Variants in SLIT2 observed in about 807,000 individuals in gnomAD.
SLIT2 encodes slit homolog 2 protein.
Under a neutral mutation model 185.7 loss-of-function variants are expected in SLIT2, and 41 were observed. The ratio of observed to expected loss-of-function variants is 0.22; its 90% CI spans 0.17 to 0.29. The LOEUF (loss-of-function observed/expected upper bound fraction) is 0.29. Among genes scored for constraint, SLIT2 ranks in the 10% least tolerant of loss-of-function variants. The pLI, the probability that SLIT2 is intolerant of heterozygous loss-of-function variation, is 1.00. For missense variants in SLIT2, 1,571 were observed against 1,909.0 expected (o/e 0.82, Z 3.30); for synonymous variants, 693 against 680.2 (o/e 1.02, Z -0.29).
intron 9 of SLIT2, among the ~76,000 whole-genome samples, chr4:20,508,635 A>G (rs1374284511): frequency 6.6e-6 from 1 of 152,134 alleles, no homozygotes; most frequent in Non-Finnish European, 1.5e-5. Context: ...TATAAAATAA[A>G]TATGCATAAA....
intron 4 of SLIT2, among the ~76,000 whole-genome samples, chr4:20,409,351 C>T (rs142897740): frequency 3.2e-4 from 49 of 152,266 alleles, no homozygotes; most frequent in African/African-American, 1.2e-3. Context: ...TGTTAGTTTG[C>T]TGAGGATAAT....
chr4:20,489,963 C>T (rs1285463419), intron 8 of SLIT2: 4 of 152,200 alleles, frequency 2.6e-5, no homozygotes, highest in African/African-American at 9.7e-5. Flanking sequence ...TGGTGGGCGC[C>T]TGTAGTCCCA....
At chr4:20,398,476 G>T (rs966300720) in intron 4 of SLIT2, among the ~76,000 whole-genome samples, 1 of 151,770 alleles carries the variant, frequency 6.6e-6, no homozygotes, top group Non-Finnish European at 1.5e-5. Context: ...ATCCGTGTTT[G>T]CAAATAGCAC....
intron 6 of SLIT2, among the ~76,000 whole-genome samples, chr4:20,485,416 A>G (rs1717120606): frequency 6.6e-6 from 1 of 152,128 alleles, no homozygotes; most frequent in Admixed American, 6.6e-5. Flanking sequence ...AATCAATAAT[A>G]ATAATAATAA....
At chr4:20,417,643 T>C (rs568412826) in intron 4 of SLIT2, among the ~76,000 whole-genome samples, 2 of 151,700 alleles carry the variant, frequency 1.3e-5, no homozygotes, top group Non-Finnish European at 2.9e-5. Flanking sequence ...TGCTTCAGCC[T>C]CCCGAGTAGC....
At chr4:20,490,688 A>G (rs1424755148) in intron 8 of SLIT2, 4 of 736,110 alleles carry the variant, frequency 5.4e-6, no homozygotes, top group Non-Finnish European at 8.9e-6. Flanking sequence ...GTATAATATC[A>G]TGGAATGTTC....
intron 18 of SLIT2, among the ~76,000 whole-genome samples, chr4:20,534,928 GACCTGCTGACCCATCCCAAGGGCTA>G (rs1722134147): frequency 6.6e-6 from 1 of 152,166 alleles, no homozygotes; most frequent in Admixed American, 6.5e-5. Flanking sequence ...ACCAGTCTGG[GACCTGCTGACCCATCCCAAGGGCTA>G]ACTTGGTGCC....
chr4:20,486,241 G>C lies in SLIT2; in HGVS notation c.581G>C (p.Ser194Thr). 2 of 1,604,314 alleles carry C rather than the reference G, an allele frequency of 1.2e-6. No homozygotes were observed. The highest frequency in any genetic ancestry group is 1.7e-6 in the Non-Finnish European group (2 of 1,171,398). Residue 194 changes from serine to threonine, a missense_variant, in exon 7 of 37, where the codon AGT (serine) becomes ACT (threonine). By Grantham distance (58) the Ser-to-Thr change is moderately conservative. Around this residue, in one of 3 missense-constraint regions of SLIT2, gnomAD observed 1,202 missense variants for 1,416.4 expected, o/e 0.85. Transcript: ENST00000504154. ...AACATTACTAGACTTTCTGTGGCAA[G>C]TTTCAACCATATGCCTAAACTTAGG... ...NNNITRLSVA[S>T]FNHMPKLRTF...
At chr4:20,366,789 T>C (rs746470921) in intron 4 of SLIT2, among the ~76,000 whole-genome samples, 3 of 151,994 alleles carry the variant, frequency 2.0e-5, no homozygotes, top group Non-Finnish European at 4.4e-5. Flanking sequence ...AGGGTTTTTT[T>C]AGTTTAGTTT....
At chr4:20,295,663 A>C (rs146055760) in intron 4 of SLIT2, among the ~76,000 whole-genome samples, 2,159 of 152,318 alleles carry the variant, frequency 0.014, 21 homozygotes, top group Non-Finnish European at 0.017. Context: ...GATAAAGTGA[A>C]ATAAAACAAA....
chr4:20,339,110 AAAG>A (rs1382644430), intron 4 of SLIT2, among the ~76,000 whole-genome samples: 104 of 151,188 alleles, frequency 6.9e-4, no homozygotes, highest in Middle Eastern at 3.4e-3. Context: ...AAAAAAAAAA[AAAG>A]AAAGACATTG....
chr4:20,515,833 T>G (rs553815812), intron 11 of SLIT2, among the ~76,000 whole-genome samples: 1 of 152,344 alleles, frequency 6.6e-6, no homozygotes, highest in Non-Finnish European at 1.5e-5. Flanking sequence ...CTTTCTTTTT[T>G]GAGACGGAGT....
chr4:20,511,461 G>A lies in SLIT2; in HGVS notation c.1058+324G>A, dbSNP rs539493269. ...TTTTGAGACGGAGTCTTGCTCTGTC[G>A]CCCAGACTGGAGTGCAGTGGCGCCA... On this transcript the variant is annotated intron_variant, in intron 11 of 36. Coordinates refer to ENST00000504154, the MANE Select transcript of SLIT2 (RefSeq NM_004787.4). 1.0e-4 allele frequency among the ~76,000 whole-genome samples: 13 copies of A among 128,640 alleles called. No individual in the cohort carries two copies. In the East Asian group the frequency reaches 2.7e-3, roughly 26 times the overall value. 84.4% of individuals were successfully genotyped at this position (128,640 alleles called of 152,430 possible).
chr4:20,372,282 G>A (rs984232334), intron 4 of SLIT2, among the ~76,000 whole-genome samples: 2 of 151,904 alleles, frequency 1.3e-5, no homozygotes, highest in Non-Finnish European at 2.9e-5. Flanking sequence ...TGCAGAAAGG[G>A]CAGAACATGG....
intron 19 of SLIT2, 93 bp from the exon 20 acceptor site, chr4:20,541,360 C>A (rs540666712): frequency 3.8e-6 from 4 of 1,047,328 alleles, no homozygotes; most frequent in East Asian, 4.9e-5. Flanking sequence ...ATCATTCCAG[C>A]GGAAATAGCG....
intron 26 of SLIT2, among the ~76,000 whole-genome samples, chr4:20,561,372 A>G (rs1386775189): frequency 6.6e-6 from 1 of 151,866 alleles, no homozygotes; most frequent in Non-Finnish European, 1.5e-5. Flanking sequence ...CTCAGCAATA[A>G]CATTGTAATA....
chr4:20,620,334 C>G lies in SLIT2; in HGVS notation c.*1325C>G. ...TAATGCTCCCATGTTAACATGTTTG[C>G]TGCTAAATTACAATGTAGAATTGAT... is the stretch of plus-strand genomic sequence containing the variant. On this transcript the variant is annotated 3_prime_UTR_variant, in exon 37 of 37. Coordinates refer to ENST00000504154, the MANE Select transcript of SLIT2 (RefSeq NM_004787.4). 1 of 420,356 alleles carries G rather than the reference C, an allele frequency of 2.4e-6. No individual in the cohort carries two copies. Among genetic ancestry groups the G allele is most frequent in the Admixed American group, 3.1e-5 (1 of 32,668 alleles). 26.0% of individuals were successfully genotyped at this position (420,356 alleles called of 1,614,324 possible).
chr4:20,531,947 G>C lies in SLIT2; in HGVS notation c.1614-37G>C, dbSNP rs745754298. Reference sequence around the variant, plus strand: ...CAAATTTAATCCTTTCCTAACTATTGGTAATAAAACTTCTCTATTCCTTCT... The same window carrying C: ...CAAATTTAATCCTTTCCTAACTATTCGTAATAAAACTTCTCTATTCCTTCT... On this transcript the variant is annotated intron_variant, in intron 16 of 36. Transcript: ENST00000504154. 1.1e-5 allele frequency: 12 copies of C among 1,117,220 alleles called. No homozygotes were observed. The South Asian group carries it at 1.7e-4, about 16-fold the overall frequency. The allele number at this position is 1,117,220 out of a possible 1,614,324, so 69.2% of individuals were successfully genotyped here.
chr4:20,550,973 A>C (rs549763336), intron 25 of SLIT2, 75 bp downstream of exon 25: 1 of 794,282 alleles, frequency 1.3e-6, no homozygotes, highest in African/African-American at 1.7e-5. Flanking sequence ...TTCCTCTGCC[A>C]GTTATTTTAC....
Sources: gnomAD v4.1 joint callset for allele counts (sites outside exome capture counted in the v4.1 genomes callset) on GRCh38, gnomAD v4.1.1 for gene constraint, gnomAD v4.1.1 regional missense constraint, MANE v1.5 for transcripts, NCBI Gene and HGNC (gene_info 2026-07-23, HGNC 2026-07-21) for gene names.